CSTPP1: variants seen among roughly 807,000 people sequenced by gnomAD.
CSTPP1 encodes the protein centriolar satellite-associated tubulin polyglutamylase complex regulator 1, also known as UPF0705 protein C11orf49.
the CSTPP1 span, among the ~76,000 whole-genome samples, chr11:47,101,068 G>C: frequency 1.4e-5 from 2 of 147,418 alleles, no homozygotes; most frequent in East Asian, 3.9e-4. Flanking sequence ...GTATAATCTT[G>C]GCTCGCTGCA....
At chr11:47,067,976 T>C in the CSTPP1 span, among the ~76,000 whole-genome samples, 1 of 152,216 alleles carries the variant, frequency 6.6e-6, no homozygotes, top group Admixed American at 6.5e-5. Flanking sequence ...GATAAACTTA[T>C]ATTCAATGGA....
the CSTPP1 span, among the ~76,000 whole-genome samples, chr11:46,972,927 A>C: frequency 1.3e-5 from 2 of 152,176 alleles, no homozygotes; most frequent in African/African-American, 4.8e-5. Context: ...ATTCAGTGGA[A>C]AATATTTATA....
the CSTPP1 span, chr11:47,157,954 C>T: frequency 3.2e-6 from 5 of 1,576,016 alleles, no homozygotes; most frequent in Non-Finnish European, 3.5e-6. Flanking sequence ...GTCAGCCTCT[C>T]CTGCCGCACA....
the CSTPP1 span, among the ~76,000 whole-genome samples, chr11:47,108,211 T>C: frequency 6.6e-6 from 1 of 152,218 alleles, no homozygotes; most frequent in South Asian, 2.1e-4. Context: ...GGGTCATATA[T>C]CTGAGGTTAG....
chr11:47,119,945 C>T, the CSTPP1 span, among the ~76,000 whole-genome samples: 3,911 of 152,098 alleles, frequency 0.026, 91 homozygotes, highest in South Asian at 0.13. Context: ...AATTGAAGCT[C>T]AAAAAATTTA....
At chr11:47,155,191 C>G in the CSTPP1 span, 1 of 1,613,600 alleles carries the variant, frequency 6.2e-7, no homozygotes, top group Non-Finnish European at 8.5e-7. Flanking sequence ...TGCTCATGGA[C>G]GATGCCATGG....
At chr11:47,037,409 G>A in the CSTPP1 span, among the ~76,000 whole-genome samples, 2 of 118,302 alleles carry the variant, frequency 1.7e-5, 1 homozygote, top group Non-Finnish European at 4.0e-5. Context: ...TTTTTTAATT[G>A]ATCATTCTTG....
the CSTPP1 span, chr11:46,936,954 T>C: frequency 1.2e-6 from 1 of 837,286 alleles, no homozygotes; most frequent in African/African-American, 2.7e-5. Context: ...CGGGTCCGGG[T>C]GGTATGGGGA....
chr11:47,036,076 A>T, the CSTPP1 span, among the ~76,000 whole-genome samples: 3 of 11,012 alleles, frequency 2.7e-4, no homozygotes, highest in African/African-American at 2.3e-3. Flanking sequence ...ATAATATATA[A>T]ATTATATATA....
chr11:47,013,276 T>C, the CSTPP1 span, among the ~76,000 whole-genome samples: 1 of 151,816 alleles, frequency 6.6e-6, no homozygotes, highest in Admixed American at 6.6e-5. Context: ...AGGGTACATG[T>C]ACAGGATATG....
chr11:47,025,068 A>G, the CSTPP1 span, among the ~76,000 whole-genome samples: 1 of 152,182 alleles, frequency 6.6e-6, no homozygotes, highest in Non-Finnish European at 1.5e-5. Flanking sequence ...CCCTTATTTT[A>G]GGAGTTCCTA....
chr11:47,014,848 A>T, the CSTPP1 span, among the ~76,000 whole-genome samples: 15 of 152,042 alleles, frequency 9.9e-5, no homozygotes, highest in African/African-American at 3.6e-4. Context: ...GGGGAAGGGG[A>T]TGGAAAGAGT....
At chr11:47,101,173 TTTTTTTTTTTTTTTTTA>T in the CSTPP1 span, among the ~76,000 whole-genome samples, 11 of 84,974 alleles carry the variant, frequency 1.3e-4, no homozygotes, top group East Asian at 4.6e-4. Context: ...AATTTTTTTT[TTTTTTTTTTTTTTTTTA>T]TTTTATTTTT....
At chr11:47,113,732 A>G in the CSTPP1 span, among the ~76,000 whole-genome samples, 1 of 152,024 alleles carries the variant, frequency 6.6e-6, no homozygotes, top group Non-Finnish European at 1.5e-5. Flanking sequence ...AGTTCTTTGT[A>G]GATTCTGGAT....
the CSTPP1 span, among the ~76,000 whole-genome samples, chr11:47,005,456 T>C: frequency 9.2e-5 from 14 of 152,184 alleles, no homozygotes; most frequent in African/African-American, 2.9e-4. Flanking sequence ...ATACAAGACC[T>C]TATATAATGG....
the CSTPP1 span, among the ~76,000 whole-genome samples, chr11:46,953,793 A>G: frequency 6.6e-6 from 1 of 152,248 alleles, no homozygotes; most frequent in Non-Finnish European, 1.5e-5. Context: ...AGGTGATCTT[A>G]AAACCGCTTC....
At chr11:47,089,146 CCT>C in the CSTPP1 span, among the ~76,000 whole-genome samples, 2 of 152,034 alleles carry the variant, frequency 1.3e-5, no homozygotes, top group Non-Finnish European at 2.9e-5. Flanking sequence ...ACACGCCTCC[CCT>C]GAGGGCAAGG....
At chr11:47,004,787 G>A in the CSTPP1 span, among the ~76,000 whole-genome samples, 1 of 152,194 alleles carries the variant, frequency 6.6e-6, no homozygotes, top group African/African-American at 2.4e-5. Context: ...ACAGTGATGG[G>A]CTCAGGGTAA....
the CSTPP1 span, among the ~76,000 whole-genome samples, chr11:46,944,142 A>AC: frequency 1.2e-4 from 18 of 152,038 alleles, no homozygotes; most frequent in South Asian, 3.1e-3. Flanking sequence ...AAATGGTGAA[A>AC]CCCCATCTCT....
Sources: allele counts gnomAD v4.1 joint callset (sites outside exome capture counted in the v4.1 genomes callset), GRCh38; gene constraint gnomAD v4.1.1; transcripts MANE v1.5; gene names NCBI Gene and HGNC (gene_info 2026-07-23, HGNC 2026-07-21).